Variants in MACROD2 observed in about 807,000 individuals in gnomAD.
MACROD2 encodes the protein mono-ADP ribosylhydrolase 2, also known as ADP-ribose glycohydrolase MACROD2.
MACROD2 carries 36 observed loss-of-function variants against 70.4 expected under a neutral mutation model. The ratio of observed to expected loss-of-function variants is 0.51; its 90% CI spans 0.39 to 0.68. The LOEUF is 0.68. MACROD2 is among the 30% of genes least tolerant of loss of function. MACROD2 has a pLI of 0.00. For missense variants in MACROD2, 496 were observed against 538.4 expected (o/e 0.92, Z 0.78); for synonymous variants, 172 against 178.8 (o/e 0.96, Z 0.30).
In MACROD2 at chr20:14,720,536, C is replaced by CTTTTTTTTTTTTTTTTTTT. The variant is rs753673265; in HGVS notation, c.418+35593_418+35611dup. On this transcript the variant is annotated intron_variant, in intron 5 of 17. Coordinates refer to ENST00000684519, the MANE Select transcript of MACROD2 (RefSeq NM_001351661.2). ...GTTTCATTTCCCAGCTGCCCCACAA[C>CTTTTTTTTTTTTTTTTTTT]TTTTTTTTTTTTTTTTTTTTTTTTT... Among the ~76,000 whole-genome samples the CTTTTTTTTTTTTTTTTTTT allele has an allele frequency of 4.5e-4, 16 of 35,946 alleles. 3 individuals carry two copies. The highest frequency in any genetic ancestry group is 5.4e-4 in the African/African-American group (5 of 9,260). 23.6% of individuals were successfully genotyped at this position (35,946 alleles called of 152,430 possible). A position where few individuals can be genotyped will look rare whatever the true frequency, so the allele number is the denominator to read the frequency against.
intron 5 of MACROD2, among the ~76,000 whole-genome samples, chr20:14,993,024 G>A (rs1335312560): frequency 6.6e-6 from 1 of 152,096 alleles, no homozygotes; most frequent in East Asian, 1.9e-4. Context: ...AAAATAGACT[G>A]CATTCTCTTT....
intron 3 of MACROD2, among the ~76,000 whole-genome samples, chr20:14,159,190 A>T (rs1243482770): frequency 6.6e-6 from 1 of 152,188 alleles, no homozygotes; most frequent in Admixed American, 6.5e-5. Context: ...ATGAGCCTAG[A>T]TTGCACCATT....
intron 8 of MACROD2, among the ~76,000 whole-genome samples, chr20:15,751,631 A>T (rs1237848689): frequency 6.6e-6 from 1 of 151,900 alleles, no homozygotes; most frequent in Non-Finnish European, 1.5e-5. Context: ...TTGGCACGTT[A>T]GTTATATTGT....
At chr20:15,180,719 G>C (rs1439917042) in intron 5 of MACROD2, among the ~76,000 whole-genome samples, 1 of 152,160 alleles carries the variant, frequency 6.6e-6, no homozygotes, top group Non-Finnish European at 1.5e-5. Context: ...TCAAACTCCT[G>C]ACCTCAAGTG....
intron 4 of MACROD2, among the ~76,000 whole-genome samples, chr20:14,572,021 A>G (rs1295560111): frequency 6.6e-6 from 1 of 152,070 alleles, no homozygotes; most frequent in Non-Finnish European, 1.5e-5. Flanking sequence ...TGTTTGCTCA[A>G]TATATTTTGT....
chr20:14,926,290 C>G (rs758363305), intron 5 of MACROD2, among the ~76,000 whole-genome samples: 5 of 151,990 alleles, frequency 3.3e-5, no homozygotes, highest in Non-Finnish European at 7.4e-5. Context: ...TGGCTCACAC[C>G]TGTAATCCCA....
intron 4 of MACROD2, among the ~76,000 whole-genome samples, chr20:14,659,915 C>T (rs1306902790): frequency 6.6e-6 from 1 of 152,096 alleles, no homozygotes; most frequent in African/African-American, 2.4e-5. Flanking sequence ...CTAAATATAG[C>T]ACCCTAAAAA....
chr20:13,995,572 C>T lies in MACROD2; in HGVS notation c.-192C>T, dbSNP rs541423738. The T allele has an allele frequency of 1.2e-5, 8 of 666,138 alleles. No homozygotes were observed. Among genetic ancestry groups the T allele is most frequent in the African/African-American group, 3.6e-5 (2 of 56,330 alleles). The allele number at this position is 666,138 out of a possible 1,614,324, so 41.3% of individuals were successfully genotyped here. On this transcript the variant is annotated 5_prime_UTR_variant, in exon 1 of 18. Transcript: ENST00000684519. This position sits in a 1 kb window ranked among gnomAD's most constrained non-coding sequence, Gnocchi z 4.3. ...CCGCGGGGCTGAGGCGGGTGGGAGC[C>T]GGAGCCGAGCGCGGGCTGAGGGAGG...
At chr20:14,572,789 C>G (rs1346679661) in intron 4 of MACROD2, among the ~76,000 whole-genome samples, 1 of 151,550 alleles carries the variant, frequency 6.6e-6, no homozygotes, top group Non-Finnish European at 1.5e-5. Context: ...GTGTTCAGCA[C>G]ATGAAAATTC....
At chr20:15,737,878 G>A (rs1190222913) in intron 8 of MACROD2, among the ~76,000 whole-genome samples, 4 of 151,754 alleles carry the variant, frequency 2.6e-5, no homozygotes. Flanking sequence ...ATGGATGGAT[G>A]GATGGATGGA....
chr20:15,653,758 A>C (rs2049682560), intron 8 of MACROD2, among the ~76,000 whole-genome samples: 1 of 152,164 alleles, frequency 6.6e-6, no homozygotes, highest in Admixed American at 6.5e-5. Context: ...TAAACACAGG[A>C]ACCCACAAAC....
At chr20:15,983,507 C>T (rs1251895274) in intron 13 of MACROD2, among the ~76,000 whole-genome samples, 2 of 152,120 alleles carry the variant, frequency 1.3e-5, no homozygotes, top group Non-Finnish European at 2.9e-5. Context: ...CTTCAGGTCT[C>T]CAAGGAATGC....
At chr20:14,435,294 A>T (rs548988592) in intron 3 of MACROD2, among the ~76,000 whole-genome samples, 4 of 152,254 alleles carry the variant, frequency 2.6e-5, no homozygotes, top group Non-Finnish European at 4.4e-5. Context: ...GACAATTGTC[A>T]TTAGATTTAG....
intron 5 of MACROD2, among the ~76,000 whole-genome samples, chr20:14,897,646 A>G (rs1449958484): frequency 6.6e-6 from 1 of 152,200 alleles, no homozygotes; most frequent in Non-Finnish European, 1.5e-5. Flanking sequence ...AATGTTTTAG[A>G]AAGTTATTCA....
chr20:14,011,421 G>T (rs1025290852), intron 2 of MACROD2, among the ~76,000 whole-genome samples: 1 of 152,086 alleles, frequency 6.6e-6, no homozygotes, highest in Non-Finnish European at 1.5e-5. Context: ...CCTGGTGCTT[G>T]CATCTCTTCC....
intron 5 of MACROD2, among the ~76,000 whole-genome samples, chr20:15,003,413 G>A (rs1408555515): frequency 6.6e-6 from 1 of 152,122 alleles, no homozygotes; most frequent in Non-Finnish European, 1.5e-5. Context: ...ATTTTGTATT[G>A]TCAAGCAGCC....
intron 3 of MACROD2, among the ~76,000 whole-genome samples, chr20:14,442,783 T>G (rs1034816318): frequency 1.3e-5 from 2 of 151,858 alleles, no homozygotes; most frequent in African/African-American, 4.8e-5. Context: ...GAGTAAGAAA[T>G]GAGAACTACA....
At chr20:14,232,276 A>G (rs564872594) in intron 3 of MACROD2, among the ~76,000 whole-genome samples, 6 of 152,344 alleles carry the variant, frequency 3.9e-5, no homozygotes, top group African/African-American at 1.4e-4. Context: ...GCCTCAAACT[A>G]AAGTTACAAG....
At chr20:14,808,850 C>T (rs912183631) in intron 5 of MACROD2, among the ~76,000 whole-genome samples, 1 of 151,760 alleles carries the variant, frequency 6.6e-6, no homozygotes. Context: ...AAGGGCATTA[C>T]ATAATGGTAA....
Sources: gnomAD v4.1 joint callset for allele counts (sites outside exome capture counted in the v4.1 genomes callset) on GRCh38, gnomAD v4.1.1 for gene constraint, Gnocchi (gnomAD v3.1) non-coding constraint, MANE v1.5 for transcripts, NCBI Gene and HGNC (gene_info 2026-07-23, HGNC 2026-07-21) for gene names.